The following CEACAM3 variants were observed in gnomAD, a reference collection of about 807,000 sequenced individuals.
CEACAM3 encodes CEA cell adhesion molecule 3.
A neutral mutation model predicts 30.1 loss-of-function variants in CEACAM3; 32 were observed. That is an observed-to-expected ratio of 1.06 (90% CI 0.80 to 1.43). CEACAM3 has a LOEUF of 1.43. Ranked by LOEUF, CEACAM3 falls within the 40% of genes most tolerant of loss-of-function variation. CEACAM3 has a pLI of 0.00. For synonymous variants in CEACAM3, 134 were observed against 127.2 expected (o/e 1.05, Z -0.36); for missense variants, 290 against 316.3 (o/e 0.92, Z 0.63).
intron 2 of CEACAM3, among the ~76,000 whole-genome samples, chr19:41,805,270 T>C (rs1004598436): frequency 2.0e-5 from 3 of 148,882 alleles, no homozygotes; most frequent in Non-Finnish European, 3.0e-5. Context: ...CTCTGCTCTT[T>C]TATTCTTTTT....
At chr19:41,801,266 C>T (rs2073144612) in intron 2 of CEACAM3, among the ~76,000 whole-genome samples, 1 of 152,188 alleles carries the variant, frequency 6.6e-6, no homozygotes, top group Non-Finnish European at 1.5e-5. Context: ...TAAAAAAAGG[C>T]ACAGAAATCA....
At chr19:41,805,892 G>T (rs1423330091) in intron 2 of CEACAM3, among the ~76,000 whole-genome samples, 1 of 152,186 alleles carries the variant, frequency 6.6e-6, no homozygotes, top group African/African-American at 2.4e-5. Flanking sequence ...TGCAGGAGGA[G>T]AAAACACATT....
At chr19:41,803,416 T>TTGTGTGTGTGTGTG (rs1555826235) in intron 2 of CEACAM3, among the ~76,000 whole-genome samples, 1 of 129,282 alleles carries the variant, frequency 7.7e-6, no homozygotes, top group African/African-American at 2.7e-5. Context: ...CAGCAAAGTT[T>TTGTGTGTGTGTGTG]TGTGTGTGTA....
At chr19:41,807,156 A>T (rs1042938826) in intron 2 of CEACAM3, 2 of 1,548,264 alleles carry the variant, frequency 1.3e-6, no homozygotes, top group Non-Finnish European at 8.8e-7. Flanking sequence ...TCCAACCCCA[A>T]GGAGGACAAG....
intron 2 of CEACAM3, chr19:41,807,439 C>A (rs2073212502): frequency 8.0e-6 from 10 of 1,242,264 alleles, no homozygotes; most frequent in Non-Finnish European, 9.4e-6. Flanking sequence ...ATCCACACAG[C>A]CAGAGGCCAG....
chr19:41,803,867 G>A (rs1434677205), intron 2 of CEACAM3, among the ~76,000 whole-genome samples: 1 of 152,038 alleles, frequency 6.6e-6, no homozygotes, highest in African/African-American at 2.4e-5. Context: ...ATCACCTGAG[G>A]TCAGGAGTTC....
In CEACAM3 at chr19:41,811,241, C is replaced by T; in HGVS notation, c.*4C>T. 6.2e-7 allele frequency: 1 copy of T among 1,613,354 alleles called. No homozygotes were observed. The highest frequency in any genetic ancestry group is 8.5e-7 in the Non-Finnish European group (1 of 1,179,614). ...CAAAGCAGAAGTGGCTTCTTAGCTT[C>T]CTCCAGGAGCTGCTCCTGTGTGTTG... On this transcript the variant is annotated 3_prime_UTR_variant, in exon 7 of 7. Coordinates refer to ENST00000357396, the MANE Select transcript of CEACAM3 (RefSeq NM_001815.5).
intron 3 of CEACAM3, 25 bp downstream of exon 3, chr19:41,808,955 C>T (rs782297311): frequency 1.3e-5 from 20 of 1,497,638 alleles, no homozygotes; most frequent in Non-Finnish European, 1.7e-5. Flanking sequence ...TCCCATCCTT[C>T]TCCCACCCCC....
chr19:41,797,378 T>C, intron 1 of CEACAM3: 1 of 610,900 alleles, frequency 1.6e-6, no homozygotes, highest in Non-Finnish European at 2.8e-6. Context: ...GAGGGAGCCA[T>C]GCAGACCCCT....
chr19:41,796,593 G>GCCTA lies in CEACAM3; in HGVS notation c.-84_-81dup. ...GCATGGAAAGAGGAAGGACAGCAGAGCCTAAGTCACAGTAGCCCTGACTAC... is the reference window on the plus strand; with the variant it reads ...GCATGGAAAGAGGAAGGACAGCAGAGCCTACCTAAGTCACAGTAGCCCTGACTAC... On this transcript the variant is annotated 5_prime_UTR_variant, in exon 1 of 7. Coordinates refer to ENST00000357396, the MANE Select transcript of CEACAM3 (RefSeq NM_001815.5). The GCCTA allele has an allele frequency of 1.3e-6, 2 of 1,508,858 alleles. No homozygotes were observed. Among genetic ancestry groups the GCCTA allele is most frequent in the Non-Finnish European group, 1.8e-6 (2 of 1,087,174 alleles). The allele number at this position is 1,508,858 out of a possible 1,614,324, so 93.5% of individuals were successfully genotyped here. A position where few individuals can be genotyped will look rare whatever the true frequency, so the allele number is the denominator to read the frequency against.
At chr19:41,807,220 G>A (rs782409586) in intron 2 of CEACAM3, 3 of 1,609,704 alleles carry the variant, frequency 1.9e-6, no homozygotes, top group East Asian at 2.2e-5. Flanking sequence ...CCTGCCTGTA[G>A]TGGGTAAATG....
chr19:41,800,884 G>C (rs553912088), intron 2 of CEACAM3, among the ~76,000 whole-genome samples: 115 of 152,134 alleles, frequency 7.6e-4, no homozygotes, highest in African/African-American at 2.4e-3. Context: ...TGATCCCCCC[G>C]GGGCCCAGCT....
rs2073249069 is a variant in CEACAM3 at position 41,811,322 on chromosome 19, GC to G, written c.*87del. The G allele has an allele frequency of 8.4e-7, 1 of 1,184,252 alleles. No homozygotes were observed. The highest frequency in any genetic ancestry group is 1.5e-5 in the African/African-American group (1 of 65,712). The allele number at this position is 1,184,252 out of a possible 1,614,324, so 73.4% of individuals were successfully genotyped here. On this transcript the variant is annotated 3_prime_UTR_variant, in exon 7 of 7. Transcript: ENST00000357396. Reference sequence around the variant, plus strand: ...GGATGGGGAAGGACATGAAGCCTGAGCCAGAGAACCAGCTATAAGTCCTGAG... The same window carrying G: ...GGATGGGGAAGGACATGAAGCCTGAGCAGAGAACCAGCTATAAGTCCTGAG...
intron 2 of CEACAM3, among the ~76,000 whole-genome samples, chr19:41,805,990 TTCC>T (rs368336913): frequency 0.028 from 3,024 of 106,678 alleles, 115 homozygotes; most frequent in African/African-American, 0.074. Context: ...GATTCTACTC[TTCC>T]TGTTGTTGTT....
chr19:41,809,594 C>G lies in CEACAM3; in HGVS notation c.543-371C>G, dbSNP rs186034904. ...CTGAGTTCCAGGAGAATCCAAGACA[C>G]TTGCGGTCCCCTCCGTGTCCTGCAC... On this transcript the variant is annotated intron_variant, in intron 3 of 6. Transcript: ENST00000357396. 6.9e-5 allele frequency: 14 copies of G among 203,404 alleles called. No homozygotes were observed. In the East Asian group the frequency reaches 2.0e-3, roughly 28 times the overall value. 12.6% of individuals were successfully genotyped at this position (203,404 alleles called of 1,614,324 possible). A position where few individuals can be genotyped will look rare whatever the true frequency, so the allele number is the denominator to read the frequency against.
chr19:41,802,832 G>T (rs1338060855), intron 2 of CEACAM3, among the ~76,000 whole-genome samples: 7 of 152,202 alleles, frequency 4.6e-5, no homozygotes, highest in African/African-American at 1.7e-4. Context: ...CTGGCAGTGG[G>T]TAAATGTCCA....
rs553824794 is a variant in CEACAM3, at chr19:41,806,292, A to G, written c.425-2521A>G. On this transcript the variant is annotated intron_variant, in intron 2 of 6. Transcript: ENST00000357396. ...TGATCTGCCCACCTCGGCCTCCCCAAGTGCTGGGATTACAGGTGTGAGCCA... is the reference window on the plus strand; with the variant it reads ...TGATCTGCCCACCTCGGCCTCCCCAGGTGCTGGGATTACAGGTGTGAGCCA... Among the ~76,000 whole-genome samples, 22 of 152,224 alleles carry G rather than the reference A, an allele frequency of 1.4e-4. No individual in the cohort carries two copies. The East Asian group carries it at 3.3e-3, about 23-fold the overall frequency.
intron 2 of CEACAM3, among the ~76,000 whole-genome samples, chr19:41,798,509 A>G (rs1227271371): frequency 6.6e-6 from 1 of 152,220 alleles, no homozygotes; most frequent in African/African-American, 2.4e-5. Context: ...TCCAGCCCCA[A>G]GAACCTCTCC....
chr19:41,808,841 G>A lies in CEACAM3; in HGVS notation c.453G>A (p.Gly151=). ...YQENAPGLPV[G]AVAGIVTGVL... is the part of the protein sequence containing the mutation. ...AAAATGCCCCAGGCCTTCCTGTGGG[G>A]GCCGTCGCCGGCATCGTGACCGGGG... The change falls in exon 3 of 7, where the codon GGG becomes GGA. Residue 151 remains glycine, a synonymous_variant. Coordinates refer to ENST00000357396, the MANE Select transcript of CEACAM3 (RefSeq NM_001815.5). 1.2e-6 allele frequency: 2 copies of A among 1,612,028 alleles called. No homozygotes were observed. The highest frequency in any genetic ancestry group is 1.1e-5 in the South Asian group (1 of 90,964).
Sources: allele counts gnomAD v4.1 joint callset (sites outside exome capture counted in the v4.1 genomes callset), GRCh38; gene constraint gnomAD v4.1.1; transcripts MANE v1.5; gene names NCBI Gene and HGNC (gene_info 2026-07-23, HGNC 2026-07-21).